Variants in ABR observed in about 807,000 individuals in gnomAD.
The protein encoded by ABR is active breakpoint cluster region-related protein.
Under a neutral mutation model 107.2 loss-of-function variants are expected in ABR, and 35 were observed. That is an observed-to-expected ratio of 0.33 (90% CI 0.25 to 0.43). The LOEUF (loss-of-function observed/expected upper bound fraction) is 0.43. Ranked by LOEUF, ABR falls within the 20% of genes least tolerant of loss-of-function variation. The pLI is 1.00. For synonymous variants in ABR, 498 were observed against 462.0 expected, an observed-to-expected ratio of 1.08 and a Z score of -1.00; for missense variants, 815 against 1,115.2, an observed-to-expected ratio of 0.73 and a Z score of 3.83.
At chr17:1,180,811 T>G (rs1002001166), upstream of ABR, among the ~76,000 whole-genome samples, 1 of 152,212 alleles carries the variant, frequency 6.6e-6, no homozygotes, top group Non-Finnish European at 1.5e-5. Context: ...GGGGGCCCCA[T>G]GCCTGTCTCC....
chr17:1,088,298 G>A (rs148721445), intron 4 of ABR, among the ~76,000 whole-genome samples: 1 of 152,090 alleles, frequency 6.6e-6, no homozygotes, highest in African/African-American at 2.4e-5. Flanking sequence ...TGAGGGATGA[G>A]GAGAGGATGC....
intron 2 of ABR, among the ~76,000 whole-genome samples, chr17:1,117,902 C>T (rs1321854187): frequency 0.016 from 1,238 of 77,902 alleles, 34 homozygotes; most frequent in African/African-American, 0.056. Flanking sequence ...GCCTGAGTTC[C>T]TCCCAGCGTT....
At chr17:1,141,959 T>A (rs766411286) in intron 1 of ABR, among the ~76,000 whole-genome samples, 4 of 151,998 alleles carry the variant, frequency 2.6e-5, no homozygotes, top group Admixed American at 6.6e-5. Flanking sequence ...GGTTTCACCA[T>A]GTTAGCCAGG....
In ABR at chr17:1,044,486, C is replaced by A. The variant is rs181603640; in HGVS notation, c.1791+5564G>T. On this transcript the variant is annotated intron_variant, in intron 16 of 22. Coordinates refer to ENST00000302538, the MANE Select transcript of ABR (RefSeq NM_021962.5). ...TCAACATGGTGAAACCCTGTCTCTA[C>A]TACTACTAATAAAAATCAGCTGGGC... Among the ~76,000 whole-genome samples the A allele has an allele frequency of 3.3e-3, 503 of 152,124 alleles. 3 individuals are homozygous for A. The highest frequency in any genetic ancestry group is 0.011 in the African/African-American group (473 of 41,488).
intron 10 of ABR, among the ~76,000 whole-genome samples, chr17:1,060,678 T>C (rs1327694671): frequency 1.3e-5 from 2 of 151,932 alleles, no homozygotes; most frequent in Non-Finnish European, 2.9e-5. Flanking sequence ...AGAAAAAACA[T>C]GAAAATTTAA....
In ABR at chr17:1,051,513, G is replaced by A. The variant is rs923040323; in HGVS notation, c.1562-879C>T. On this transcript the variant is annotated intron_variant, in intron 14 of 22. Transcript: ENST00000302538. The surrounding 1 kb of genome is among the most constrained non-coding windows in gnomAD (Gnocchi z 4.3). ...TGAAAATCTACCTTGGGACCCAACT[G>A]CTGAGGCCACAGCACCGGCACGGAC... Among the ~76,000 whole-genome samples, 1 of 152,144 alleles carries A rather than the reference G, an allele frequency of 6.6e-6. No individual in the cohort carries two copies. The highest frequency in any genetic ancestry group is 2.4e-5 in the African/African-American group (1 of 41,430).
chr17:1,073,449 T>A (rs2035417754), intron 7 of ABR, among the ~76,000 whole-genome samples, 176 bp downstream of exon 7: 1 of 151,978 alleles, frequency 6.6e-6, no homozygotes, highest in Non-Finnish European at 1.5e-5. Context: ...CCAAGCTGTA[T>A]TCAGGCCCTA....
intron 1 of ABR, among the ~76,000 whole-genome samples, chr17:1,199,650 T>A (rs2042636694): frequency 6.6e-6 from 1 of 152,138 alleles, no homozygotes; most frequent in African/African-American, 2.4e-5. Flanking sequence ...GGTTTCACCA[T>A]GTTGGCCAGG....
intron 6 of ABR, 66 bp downstream of exon 6, chr17:1,079,264 G>A (rs534145363): frequency 3.6e-5 from 56 of 1,573,276 alleles, no homozygotes; most frequent in African/African-American, 3.5e-4. Context: ...CCGCGTTCAC[G>A]CAGCCTGTTG....
intron 2 of ABR, among the ~76,000 whole-genome samples, chr17:1,110,804 C>A (rs1265030667): frequency 6.6e-6 from 1 of 152,222 alleles, no homozygotes; most frequent in East Asian, 1.9e-4. Flanking sequence ...GGAACTGTGC[C>A]ACCAGGGTTC....
exon 1 of ABR, among the ~76,000 whole-genome samples, chr17:1,229,481 C>T (rs1465295772): frequency 1.3e-5 from 2 of 151,956 alleles, no homozygotes; most frequent in Non-Finnish European, 2.9e-5. Context: ...GCTGCTCCTC[C>T]GCCAGCACCT....
chr17:1,033,247 C>G (rs546805506), intron 16 of ABR, among the ~76,000 whole-genome samples: 7 of 152,292 alleles, frequency 4.6e-5, no homozygotes, highest in African/African-American at 1.7e-4. Context: ...TCCTCAGAGG[C>G]CTTGGTGTTT....
chr17:1,126,467 C>T (rs1362757549), intron 1 of ABR: 1 of 152,332 alleles, frequency 6.6e-6, no homozygotes, highest in African/African-American at 2.4e-5. Flanking sequence ...TAAGCTTCAG[C>T]ACTCGTGCGG....
chr17:1,215,823 T>C (rs1328526640), intron 1 of ABR, among the ~76,000 whole-genome samples: 2 of 152,132 alleles, frequency 1.3e-5, no homozygotes, highest in African/African-American at 2.4e-5. Context: ...CATTTTGTTC[T>C]GTACTGGGAG....
At position 1,167,010 on chromosome 17, in the gene ABR, A is replaced by G. The variant is rs559336523; in HGVS notation, c.61+12657T>C. Among the ~76,000 whole-genome samples, 6 of 152,222 alleles carry G rather than the reference A, an allele frequency of 3.9e-5. No homozygotes were observed. In the South Asian group the frequency reaches 1.0e-3, roughly 26 times the overall value. ...AGAGCCAGACTCTGTCTCAAAAACAACAAACAAGCAAACAAAGGAAATGCA... is the reference window on the plus strand; with the variant it reads ...AGAGCCAGACTCTGTCTCAAAAACAGCAAACAAGCAAACAAAGGAAATGCA... On this transcript the variant is annotated intron_variant, in intron 1 of 22. Transcript: ENST00000302538.
chr17:1,132,876 A>G (rs1375296405), intron 1 of ABR, among the ~76,000 whole-genome samples: 2 of 152,224 alleles, frequency 1.3e-5, no homozygotes, highest in Non-Finnish European at 2.9e-5. Context: ...CAAGGATTTT[A>G]AGATAATAAT....
At chr17:1,160,363 G>C (rs946713556) in intron 1 of ABR, among the ~76,000 whole-genome samples, 1 of 151,776 alleles carries the variant, frequency 6.6e-6, no homozygotes, top group Non-Finnish European at 1.5e-5. Flanking sequence ...TTTAAGCAAA[G>C]TTCATGAAAT....
At chr17:1,195,825 G>A (rs894484764) in intron 1 of ABR, among the ~76,000 whole-genome samples, 6 of 140,972 alleles carry the variant, frequency 4.3e-5, no homozygotes, top group Non-Finnish European at 7.6e-5. Flanking sequence ...ATTATTGGCC[G>A]GCGCGGTGGC....
At chr17:1,145,667 G>A (rs2040497266) in intron 1 of ABR, among the ~76,000 whole-genome samples, 1 of 152,206 alleles carries the variant, frequency 6.6e-6, no homozygotes, top group Non-Finnish European at 1.5e-5. Flanking sequence ...GCAATTCAGA[G>A]AACAGACAAG....
Sources: allele counts gnomAD v4.1 joint callset (sites outside exome capture counted in the v4.1 genomes callset), GRCh38; gene constraint gnomAD v4.1.1; non-coding constraint Gnocchi (gnomAD v3.1); transcripts MANE v1.5; gene names NCBI Gene and HGNC (gene_info 2026-07-23, HGNC 2026-07-21).